Variants in TCF4 observed in about 807,000 individuals in gnomAD.
The protein encoded by TCF4 is SL3-3 enhancer factor 2.
Under a neutral mutation model 82.1 loss-of-function variants are expected in TCF4, and 3 were observed. The ratio of observed to expected loss-of-function variants is 0.04; its 90% confidence interval spans 0.02 to 0.09. TCF4 has a LOEUF of 0.09. Ranked by LOEUF, TCF4 falls within the 10% of genes least tolerant of loss-of-function variation. TCF4 has a pLI of 1.00. For synonymous variants in TCF4, 276 were observed against 309.6 expected, an observed-to-expected ratio of 0.89 and a Z score of 1.14; for missense variants, 518 against 852.7, an observed-to-expected ratio of 0.61 and a Z score of 4.89.
chr18:55,372,157 ATG>A (rs1174918115), intron 6 of TCF4, among the ~76,000 whole-genome samples: 2 of 151,848 alleles, frequency 1.3e-5, no homozygotes, highest in African/African-American at 2.4e-5. Context: ...GTGTGTGTGT[ATG>A]TGTGTGTGTG....
intron 5 of TCF4, chr18:55,403,907 A>G: frequency 7.0e-7 from 1 of 1,425,798 alleles, no homozygotes. Flanking sequence ...CATTGATTAT[A>G]TTGACACTTA....
At chr18:55,474,745 A>AT (rs1400330421) in intron 3 of TCF4, among the ~76,000 whole-genome samples, 2 of 150,164 alleles carry the variant, frequency 1.3e-5, no homozygotes, top group South Asian at 2.1e-4. Context: ...TTACATTTTT[A>AT]TTTTTTTTAA....
chr18:55,521,006 T>C (rs1157703470), intron 3 of TCF4, among the ~76,000 whole-genome samples: 2 of 152,152 alleles, frequency 1.3e-5, no homozygotes, highest in Non-Finnish European at 2.9e-5. Context: ...AAATTTCTTA[T>C]ATGGCTTCTG....
At chr18:55,622,031 TTATA>T (rs1334529470) in intron 2 of TCF4, among the ~76,000 whole-genome samples, 2 of 134,546 alleles carry the variant, frequency 1.5e-5, no homozygotes, top group Admixed American at 8.6e-5. Context: ...ACACTATATA[TTATA>T]TATACACTAT....
chr18:55,514,686 A>G lies in TCF4; in HGVS notation c.146-50549T>C, dbSNP rs116587258. Among the ~76,000 whole-genome samples the G allele has an allele frequency of 4.6e-3, 697 of 152,130 alleles. 5 individuals carry two copies. The highest frequency in any genetic ancestry group is 0.016 in the African/African-American group (678 of 41,512). ...CTGCTCAGGGCAGCCGCAGCATTTG[A>G]TTTTTTTTGGACAGAAGCTTTTGGT... On this transcript the variant is annotated intron_variant, in intron 3 of 19. Transcript: ENST00000354452.
chr18:55,248,708 A>AT, intron 15 of TCF4, among the ~76,000 whole-genome samples: 1 of 152,300 alleles, frequency 6.6e-6, no homozygotes, highest in African/African-American at 2.4e-5. Flanking sequence ...AGTGTAGGAT[A>AT]TAGCACAAGG....
Position 55,303,252 on chromosome 18 carries a change from C to CCCCT in TCF4, c.550-23597_550-23596insAGGG, listed in dbSNP as rs1205551576. 3.0e-4 allele frequency among the ~76,000 whole-genome samples: 44 copies of CCCCT among 146,622 alleles called. No individual in the cohort carries two copies. The South Asian group carries it at 6.8e-3, about 23-fold the overall frequency. ...ACACACACACACACACACACACACA[C>CCCCT]ACACACACACACACACCCCTACACA... On this transcript the variant is annotated intron_variant, in intron 8 of 19. Coordinates refer to ENST00000354452, the MANE Select transcript of TCF4 (RefSeq NM_001083962.2).
At chr18:55,424,851 G>A (rs1283159935) in intron 5 of TCF4, among the ~76,000 whole-genome samples, 1 of 152,134 alleles carries the variant, frequency 6.6e-6, no homozygotes, top group East Asian at 1.9e-4. Context: ...CCCAGCTTTA[G>A]GAGATGCCTG....
At chr18:55,390,303 A>G (rs940906240) in intron 6 of TCF4, among the ~76,000 whole-genome samples, 3 of 150,388 alleles carry the variant, frequency 2.0e-5, no homozygotes, top group Middle Eastern at 3.4e-3. Context: ...AAAAAAAAAA[A>G]AAAAAAAGAA....
chr18:55,308,791 T>A (rs1034568381), intron 8 of TCF4, among the ~76,000 whole-genome samples: 6 of 152,224 alleles, frequency 3.9e-5, no homozygotes, highest in Non-Finnish European at 4.4e-5. Flanking sequence ...AATTCTTACA[T>A]CAGATATTTG....
intron 15 of TCF4, among the ~76,000 whole-genome samples, chr18:55,241,915 G>A (rs944450039): frequency 5.3e-5 from 8 of 152,176 alleles, no homozygotes; most frequent in African/African-American, 1.7e-4. Context: ...ACCTTGTGCT[G>A]ATGCATCCTT....
At chr18:55,287,458 G>A (rs552112193) in intron 8 of TCF4, among the ~76,000 whole-genome samples, 77 of 152,232 alleles carry the variant, frequency 5.1e-4, no homozygotes, top group African/African-American at 1.6e-3. Flanking sequence ...TTCCTTTCCC[G>A]TTTTAGGAAG....
At chr18:55,375,889 A>G (rs1240509238) in intron 6 of TCF4, among the ~76,000 whole-genome samples, 2 of 152,112 alleles carry the variant, frequency 1.3e-5, no homozygotes, top group Non-Finnish European at 2.9e-5. Flanking sequence ...TCTCCTAAGT[A>G]GAAAGGTTCT....
At chr18:55,307,246 C>T (rs1400325107) in intron 8 of TCF4, among the ~76,000 whole-genome samples, 3 of 152,200 alleles carry the variant, frequency 2.0e-5, no homozygotes, top group African/African-American at 7.2e-5. Flanking sequence ...GTGTTTATGA[C>T]TGGTAAAGTC....
intron 5 of TCF4, among the ~76,000 whole-genome samples, chr18:55,441,490 T>C (rs1195939899): frequency 1.3e-5 from 2 of 152,228 alleles, no homozygotes; most frequent in Non-Finnish European, 1.5e-5. Flanking sequence ...GTTCTGGCAG[T>C]CTTTACTATC....
Position 55,223,757 on chromosome 18 carries a change from G to A in TCF4, c.*4278C>T, listed in dbSNP as rs1252674097. On this transcript the variant is annotated 3_prime_UTR_variant, in exon 20 of 20. Coordinates refer to ENST00000354452, the MANE Select transcript of TCF4 (RefSeq NM_001083962.2). ...TTTAAGTTTTTAATGCTGCAGCTAT[G>A]TGTACAGTCGCAAAAAATTTCCCCG... 1 of 128,604 alleles carries A rather than the reference G, an allele frequency of 7.8e-6. No individual in the cohort carries two copies. Among genetic ancestry groups the A allele is most frequent in the Non-Finnish European group, 1.6e-5 (1 of 62,400 alleles). The allele number at this position is 128,604 out of a possible 1,614,324, so 8.0% of individuals were successfully genotyped here. A position where few individuals can be genotyped will look rare whatever the true frequency, so the allele number is the denominator to read the frequency against.
In TCF4 at chr18:55,243,965, A is replaced by C. The variant is rs73487032; in HGVS notation, c.1351-9282T>G. Among the ~76,000 whole-genome samples the C allele has an allele frequency of 8.5e-3, 1,292 of 152,298 alleles. 16 individuals are homozygous for C. Among genetic ancestry groups the C allele is most frequent in the African/African-American group, 0.029 (1,202 of 41,556 alleles). On this transcript the variant is annotated intron_variant, in intron 15 of 19. Transcript: ENST00000354452. ...TAACATTGCTCAATGCTAGTACATG[A>C]GTTCTGAGAAAGGAAGTTTTTTTTG... is the stretch of plus-strand genomic sequence containing the variant.
intron 8 of TCF4, among the ~76,000 whole-genome samples, chr18:55,328,267 T>C (rs954009474): frequency 6.6e-6 from 1 of 152,080 alleles, no homozygotes; most frequent in African/African-American, 2.4e-5. Context: ...CATAGTGCAA[T>C]TGACACATCT....
chr18:55,246,150 T>C (rs2053072339), intron 15 of TCF4, among the ~76,000 whole-genome samples: 1 of 152,148 alleles, frequency 6.6e-6, no homozygotes, highest in Non-Finnish European at 1.5e-5. Context: ...TGTGTCTGCC[T>C]GCCTTTTCCT....
Sources: allele counts gnomAD v4.1 joint callset (sites outside exome capture counted in the v4.1 genomes callset), GRCh38; gene constraint gnomAD v4.1.1; transcripts MANE v1.5; gene names NCBI Gene and HGNC (gene_info 2026-07-23, HGNC 2026-07-21).